ARHGAP42: variants seen among roughly 807,000 people sequenced by gnomAD.
ARHGAP42 encodes the protein rho GTPase-activating protein 42.
Under a neutral mutation model 125.0 loss-of-function variants are expected in ARHGAP42, and 63 were observed. The ratio of observed to expected loss-of-function variants is 0.50; its 90% CI spans 0.41 to 0.62. The LOEUF (loss-of-function observed/expected upper bound fraction) is 0.62. Among genes scored for constraint, ARHGAP42 ranks in the 20% least tolerant of loss-of-function variants. The probability of loss-of-function intolerance (pLI) is 0.00; values close to 1 mark genes in which losing one functional copy is unlikely to be tolerated. For missense variants in ARHGAP42, 766 were observed against 1,024.2 expected (o/e 0.75, Z 3.44); for synonymous variants, 339 against 351.0 (o/e 0.97, Z 0.38).
At chr11:100,697,162 T>A (rs1156474225) in intron 1 of ARHGAP42, among the ~76,000 whole-genome samples, 2 of 151,274 alleles carry the variant, frequency 1.3e-5, no homozygotes, top group Non-Finnish European at 2.9e-5. Flanking sequence ...GTGGTGGAAT[T>A]TCTTTTTTTG....
chr11:100,780,764 A>G (rs1482892670), intron 2 of ARHGAP42, among the ~76,000 whole-genome samples: 3 of 152,244 alleles, frequency 2.0e-5, no homozygotes, highest in Non-Finnish European at 4.4e-5. Context: ...CTAAGCCACA[A>G]TGGGTGGCAT....
chr11:100,866,908 A>T (rs562383666), intron 4 of ARHGAP42, among the ~76,000 whole-genome samples: 4 of 152,308 alleles, frequency 2.6e-5, no homozygotes, highest in Admixed American at 2.6e-4. Context: ...TGCAGAACAG[A>T]TTTTATGTTA....
chr11:100,732,698 G>A (rs1165565018), intron 1 of ARHGAP42, among the ~76,000 whole-genome samples: 1 of 152,206 alleles, frequency 6.6e-6, no homozygotes, highest in Non-Finnish European at 1.5e-5. Flanking sequence ...AGAGGCTGTA[G>A]ATGTAGAGAG....
At chr11:100,849,026 C>A (rs1259075430) in intron 3 of ARHGAP42, among the ~76,000 whole-genome samples, 1 of 152,154 alleles carries the variant, frequency 6.6e-6, no homozygotes. Context: ...TCTTAAACAG[C>A]CTCATAGCCA....
At chr11:100,851,184 G>A (rs1432164738) in intron 3 of ARHGAP42, among the ~76,000 whole-genome samples, 1 of 152,054 alleles carries the variant, frequency 6.6e-6, no homozygotes, top group Non-Finnish European at 1.5e-5. Context: ...GCCTGGCCAG[G>A]AGATAGTAGC....
chr11:100,797,099 G>C (rs1863735437), intron 3 of ARHGAP42, among the ~76,000 whole-genome samples: 2 of 152,166 alleles, frequency 1.3e-5, no homozygotes, highest in African/African-American at 4.8e-5. Context: ...TGCTGAAAGA[G>C]GTGAGGAAAG....
chr11:100,979,102 C>T, intron 22 of ARHGAP42, 53 bp downstream of exon 22: 1 of 1,515,216 alleles, frequency 6.6e-7, no homozygotes, highest in Non-Finnish European at 9.0e-7. Flanking sequence ...GACATTGTTG[C>T]TTTGTATTGA....
At chr11:100,733,585 C>T (rs541546266) in intron 1 of ARHGAP42, among the ~76,000 whole-genome samples, 66 of 152,044 alleles carry the variant, frequency 4.3e-4, no homozygotes, top group Non-Finnish European at 2.6e-4. Flanking sequence ...GCACTCTGGG[C>T]GGCCGAGGCG....
At chr11:100,941,336 G>A (rs1190438586) in intron 8 of ARHGAP42, among the ~76,000 whole-genome samples, 1 of 152,142 alleles carries the variant, frequency 6.6e-6, no homozygotes, top group African/African-American at 2.4e-5. Context: ...GGGTAAGATG[G>A]GAAGGCACTA....
At chr11:100,958,003 G>T (rs477567) in intron 12 of ARHGAP42, among the ~76,000 whole-genome samples, 134,015 of 151,822 alleles carry the variant, frequency 0.88, 59,232 homozygotes, top group East Asian at 1. Flanking sequence ...TATCTTTTTA[G>T]TGAAAAATAG....
At chr11:100,737,676 G>A (rs552596777) in intron 1 of ARHGAP42, among the ~76,000 whole-genome samples, 3 of 152,238 alleles carry the variant, frequency 2.0e-5, no homozygotes, top group African/African-American at 7.2e-5. Flanking sequence ...CCTGTGTCAG[G>A]CCCAGCAATT....
chr11:100,791,910 A>T (rs1006265051), intron 2 of ARHGAP42, among the ~76,000 whole-genome samples: 1 of 152,242 alleles, frequency 6.6e-6, no homozygotes, highest in African/African-American at 2.4e-5. Context: ...AGTAAAATAG[A>T]AAACAGTATC....
At chr11:100,834,191 G>C (rs1864728063) in intron 3 of ARHGAP42, among the ~76,000 whole-genome samples, 1 of 152,150 alleles carries the variant, frequency 6.6e-6, no homozygotes. Flanking sequence ...TTTACACTTA[G>C]AGAGGTTAAA....
At chr11:100,905,201 A>G (rs1866690163) in intron 4 of ARHGAP42, among the ~76,000 whole-genome samples, 1 of 152,228 alleles carries the variant, frequency 6.6e-6, no homozygotes, top group South Asian at 2.1e-4. Context: ...AACAATGCCT[A>G]AGATTGAAAA....
intron 4 of ARHGAP42, among the ~76,000 whole-genome samples, chr11:100,904,407 C>T (rs1470722855): frequency 6.6e-6 from 1 of 150,738 alleles, no homozygotes; most frequent in African/African-American, 2.4e-5. Context: ...CTACCACGCC[C>T]AGCTAATTTT....
chr11:100,858,536 A>G (rs1375486262), intron 3 of ARHGAP42, among the ~76,000 whole-genome samples: 1 of 152,104 alleles, frequency 6.6e-6, no homozygotes, highest in Non-Finnish European at 1.5e-5. Flanking sequence ...CTAGAGATAA[A>G]CCAGTTTGAT....
chr11:100,905,454 C>A (rs1241416412), intron 4 of ARHGAP42, among the ~76,000 whole-genome samples: 1 of 152,170 alleles, frequency 6.6e-6, no homozygotes, highest in African/African-American at 2.4e-5. Context: ...ACTACTACTT[C>A]AAACATATTT....
chr11:100,866,785 TAC>T (rs1175316246), intron 4 of ARHGAP42, among the ~76,000 whole-genome samples: 1 of 152,142 alleles, frequency 6.6e-6, no homozygotes, highest in Non-Finnish European at 1.5e-5. Context: ...CAGTGGGAAT[TAC>T]AGTTTGACAT....
At chr11:100,706,933 T>C (rs1861489670) in intron 1 of ARHGAP42, among the ~76,000 whole-genome samples, 1 of 152,190 alleles carries the variant, frequency 6.6e-6, no homozygotes, top group Non-Finnish European at 1.5e-5. Flanking sequence ...CCCTGGAAAC[T>C]GTTACCAATA....
Sources: allele counts gnomAD v4.1 joint callset (sites outside exome capture counted in the v4.1 genomes callset), GRCh38; gene constraint gnomAD v4.1.1; transcripts MANE v1.5; gene names NCBI Gene and HGNC (gene_info 2026-07-23, HGNC 2026-07-21).